Variants in CYP2C19 observed in about 807,000 individuals in gnomAD.
The protein encoded by CYP2C19 is cytochrome P450 2C19.
A neutral mutation model predicts 40.9 loss-of-function variants in CYP2C19; 59 were observed. The observed-to-expected ratio is 1.44, with a 90% CI of 1.17 to 1.79. The LOEUF (loss-of-function observed/expected upper bound fraction) is 1.79, where lower values mean the gene tolerates loss of function less well. Among genes scored for constraint, CYP2C19 ranks in the 40% most tolerant of loss-of-function variants. The pLI, the probability that CYP2C19 is intolerant of heterozygous loss-of-function variation, is 0.00. For synonymous variants in CYP2C19, 253 were observed against 208.7 expected (o/e 1.21, Z -1.83); for missense variants, 754 against 596.9 (o/e 1.26, Z -2.74).
intron 5 of CYP2C19, among the ~76,000 whole-genome samples, chr10:94,784,650 C>T (rs1173411008): frequency 6.6e-6 from 1 of 152,026 alleles, no homozygotes; most frequent in Non-Finnish European, 1.5e-5. Context: ...GAGTCTCACT[C>T]TGTTGCCTAG....
intron 5 of CYP2C19, among the ~76,000 whole-genome samples, chr10:94,813,909 T>C (rs906652298): frequency 3.3e-5 from 5 of 151,022 alleles, no homozygotes; most frequent in African/African-American, 1.2e-4. Flanking sequence ...AGGGCCCTGG[T>C]GGTGTAGGCT....
rs763322365 is a variant in CYP2C19, at chr10:94,775,086, C to T, written c.197C>T (p.Thr66Ile). Residue 66 changes from threonine (T) to isoleucine (I), a missense_variant, in exon 2 of 9, where the codon ACT becomes ATT. Thr to Ile is a moderately conservative substitution (Grantham distance 89, BLOSUM62 -1). Coordinates refer to ENST00000371321, the MANE Select transcript of CYP2C19 (RefSeq NM_000769.4). ...TCAAAAATCTATGGCCCTGTGTTCA[C>T]TCTGTATTTTGGCCTGGAACGCATG... The part of the protein sequence containing the change: ...NLSKIYGPVF[T>I]LYFGLERMVV... The T allele has an allele frequency of 2.5e-6, 4 of 1,614,092 alleles. No homozygotes were observed. The highest frequency in any genetic ancestry group is 1.1e-5 in the South Asian group (1 of 91,074).
intron 6 of CYP2C19, among the ~76,000 whole-genome samples, chr10:94,837,496 G>A (rs1244066569): frequency 6.6e-6 from 1 of 152,146 alleles, no homozygotes; most frequent in East Asian, 1.9e-4. Flanking sequence ...AATGGCCCCT[G>A]GTTTTGCTAG....
intron 7 of CYP2C19, among the ~76,000 whole-genome samples, chr10:94,847,705 CTG>C (rs1439413003): frequency 1.3e-5 from 2 of 152,036 alleles, no homozygotes; most frequent in Non-Finnish European, 2.9e-5. Context: ...CAGTGTAAAA[CTG>C]TTCCTATTTC....
chr10:94,839,403 G>GGAAA (rs1330865053), intron 6 of CYP2C19, among the ~76,000 whole-genome samples: 1 of 152,090 alleles, frequency 6.6e-6, no homozygotes, highest in East Asian at 1.9e-4. Flanking sequence ...TGCCTTTCTT[G>GGAAA]ACCACAAAGA....
At chr10:94,841,395 C>T (rs1216523449) in intron 6 of CYP2C19, among the ~76,000 whole-genome samples, 6 of 152,144 alleles carry the variant, frequency 3.9e-5, no homozygotes, top group Admixed American at 3.9e-4. Flanking sequence ...GCGATGGTGG[C>T]AAACAGCAGT....
At chr10:94,811,457 ATCTG>A (rs1267952626) in intron 5 of CYP2C19, among the ~76,000 whole-genome samples, 29 of 152,180 alleles carry the variant, frequency 1.9e-4, no homozygotes, top group African/African-American at 7.0e-4. Context: ...TGTCTCATTG[ATCTG>A]TCTAATATTG....
chr10:94,766,136 G>A (rs934061926), intron 1 of CYP2C19, among the ~76,000 whole-genome samples: 13 of 152,064 alleles, frequency 8.5e-5, no homozygotes, highest in African/African-American at 3.1e-4. Context: ...GGTTAATTTG[G>A]TAAAGATCCA....
chr10:94,765,408 G>A (rs184468479), intron 1 of CYP2C19, among the ~76,000 whole-genome samples: 5 of 152,032 alleles, frequency 3.3e-5, no homozygotes, highest in Admixed American at 2.6e-4. Context: ...ACCTTGGCTG[G>A]GTAGACACAA....
intron 6 of CYP2C19, among the ~76,000 whole-genome samples, chr10:94,826,782 G>A (rs868405059): frequency 1.0e-3 from 152 of 152,206 alleles, no homozygotes; most frequent in African/African-American, 2.8e-3. Flanking sequence ...TCAGTATGAT[G>A]TTGGCTGTGG....
intron 5 of CYP2C19, among the ~76,000 whole-genome samples, chr10:94,805,606 G>T (rs887721612): frequency 6.6e-6 from 1 of 152,132 alleles, no homozygotes; most frequent in African/African-American, 2.4e-5. Context: ...ACTCTTGGCC[G>T]GGCATTGTAG....
In CYP2C19 at chr10:94,780,514, C is replaced by A. The variant is rs760117208; in HGVS notation, c.497C>A (p.Pro166His). Reference protein sequence around the residue: ...LRKTKASPCDPTFILGCAPCN... With the variant: ...LRKTKASPCDHTFILGCAPCN... Reference sequence around the variant, plus strand: ...AATCATTTAGCTTCACCCTGTGATCCCACTTTCATCCTGGGCTGTGCTCCC... The same window carrying A: ...AATCATTTAGCTTCACCCTGTGATCACACTTTCATCCTGGGCTGTGCTCCC... Residue 166 changes from proline (P) to histidine (H), a missense_variant, in exon 4 of 9, where the codon CCC becomes CAC. Coordinates refer to ENST00000371321, the MANE Select transcript of CYP2C19 (RefSeq NM_000769.4). The A allele has an allele frequency of 2.5e-6, 4 of 1,613,306 alleles. No homozygotes were observed. In the African/African-American group the frequency reaches 5.3e-5, roughly 22 times the overall value.
At chr10:94,852,363 T>G (rs1461396597) in intron 8 of CYP2C19, among the ~76,000 whole-genome samples, 1 of 152,194 alleles carries the variant, frequency 6.6e-6, no homozygotes, top group Admixed American at 6.6e-5. Flanking sequence ...CCCTAAGCCC[T>G]TCTCAGTTCA....
chr10:94,764,281 G>A (rs1848212223), intron 1 of CYP2C19, among the ~76,000 whole-genome samples: 1 of 152,092 alleles, frequency 6.6e-6, no homozygotes, highest in Middle Eastern at 3.2e-3. Context: ...TTTACAGAGT[G>A]CTGATTTGTC....
chr10:94,833,844 T>TA (rs1849364125), intron 6 of CYP2C19, among the ~76,000 whole-genome samples: 1 of 152,208 alleles, frequency 6.6e-6, no homozygotes, highest in South Asian at 2.1e-4. Context: ...ATCCCAGAGG[T>TA]AAATCCCACT....
At chr10:94,773,763 G>C (rs1205030559) in intron 1 of CYP2C19, 4 of 152,268 alleles carry the variant, frequency 2.6e-5, no homozygotes, top group African/African-American at 9.6e-5. Flanking sequence ...CATAAAGGTA[G>C]TGAAGACCCA....
chr10:94,831,857 T>C (rs934187285), intron 6 of CYP2C19, among the ~76,000 whole-genome samples: 1 of 152,214 alleles, frequency 6.6e-6, no homozygotes, highest in Non-Finnish European at 1.5e-5. Context: ...GTAGGTTATC[T>C]CTTCCCTTTG....
chr10:94,817,957 G>T (rs1294934079), intron 5 of CYP2C19, among the ~76,000 whole-genome samples: 1 of 146,030 alleles, frequency 6.8e-6, no homozygotes, highest in Non-Finnish European at 1.5e-5. Flanking sequence ...AGCTTGCAGT[G>T]AGCCGAGATC....
At chr10:94,792,643 G>A (rs980793914) in intron 5 of CYP2C19, among the ~76,000 whole-genome samples, 11 of 152,114 alleles carry the variant, frequency 7.2e-5, no homozygotes, top group African/African-American at 2.4e-4. Flanking sequence ...GAAATTCTGG[G>A]TTGAAAACTC....
Sources: gnomAD v4.1 joint callset for allele counts (sites outside exome capture counted in the v4.1 genomes callset) on GRCh38, gnomAD v4.1.1 for gene constraint, MANE v1.5 for transcripts, NCBI Gene and HGNC (gene_info 2026-07-23, HGNC 2026-07-21) for gene names.